The following THSD7B variants were observed in gnomAD, a reference collection of about 807,000 sequenced individuals.
The protein encoded by THSD7B is thrombospondin type-1 domain-containing protein 7B.
Under a neutral mutation model 213.6 loss-of-function variants are expected in THSD7B, and 138 were observed. That is an observed-to-expected ratio of 0.65 (90% CI 0.56 to 0.74). The LOEUF is 0.74. THSD7B is among the 30% of genes least tolerant of loss of function. THSD7B has a pLI of 0.00. For synonymous variants in THSD7B, 742 were observed against 687.0 expected (o/e 1.08, Z -1.25); for missense variants, 1,931 against 1,991.5 (o/e 0.97, Z 0.58).
intron 2 of THSD7B, among the ~76,000 whole-genome samples, chr2:136,922,339 G>A (rs1684449823): frequency 6.6e-6 from 1 of 152,170 alleles, no homozygotes; most frequent in African/African-American, 2.4e-5. Context: ...AACATGTCCT[G>A]CATATCCTTC....
At chr2:137,527,026 T>G (rs1369660259) in intron 15 of THSD7B, among the ~76,000 whole-genome samples, 1 of 152,066 alleles carries the variant, frequency 6.6e-6, no homozygotes, top group Admixed American at 6.6e-5. Context: ...AAATGAATAA[T>G]TTTGGAAAGG....
intron 2 of THSD7B, among the ~76,000 whole-genome samples, chr2:136,928,704 G>C (rs1022290599): frequency 2.0e-5 from 3 of 152,062 alleles, no homozygotes; most frequent in Non-Finnish European, 4.4e-5. Context: ...ATTTGAGGAA[G>C]TCTAACATTA....
At chr2:137,503,011 A>G (rs1189793819) in intron 15 of THSD7B, among the ~76,000 whole-genome samples, 1 of 152,228 alleles carries the variant, frequency 6.6e-6, no homozygotes, top group African/African-American at 2.4e-5. Flanking sequence ...GTCAACAGTC[A>G]TAAGTCTTTC....
intron 16 of THSD7B, among the ~76,000 whole-genome samples, chr2:137,570,520 G>A (rs1681333710): frequency 6.6e-6 from 1 of 152,042 alleles, no homozygotes; most frequent in Non-Finnish European, 1.5e-5. Context: ...ATGTTAGCGA[G>A]GATGGTCTCA....
rs190460862 is a variant in THSD7B, at chr2:137,378,609, C to T, written c.2501-27004C>T. Among the ~76,000 whole-genome samples, 288 of 152,288 alleles carry T rather than the reference C, an allele frequency of 1.9e-3. 1 individual carries two copies. Among genetic ancestry groups the T allele is most frequent in the Non-Finnish European group, 3.2e-3 (220 of 68,032 alleles). On this transcript the variant is annotated intron_variant, in intron 12 of 27. Coordinates refer to ENST00000409968, the MANE Select transcript of THSD7B (RefSeq NM_001316349.2). ...GTCTTATTTAACACTTTTCTTTCTT[C>T]CTTGGACTTAGGATTCCTAACAGTT...
chr2:137,483,575 ATTTAT>A (rs970907555), intron 15 of THSD7B, among the ~76,000 whole-genome samples: 3 of 152,184 alleles, frequency 2.0e-5, no homozygotes, highest in Non-Finnish European at 4.4e-5. Flanking sequence ...ATTATTGTCT[ATTTAT>A]TTTATTTTAT....
chr2:136,830,126 A>G lies in THSD7B; in HGVS notation c.-35-52018A>G, dbSNP rs112704885. On this transcript the variant is annotated intron_variant, in intron 1 of 27. Transcript: ENST00000409968. ...ATTTTCTTTGTATGCCTGTGCGCGCACACACACACACACACACATACCTGA... is the reference window on the plus strand; with the variant it reads ...ATTTTCTTTGTATGCCTGTGCGCGCGCACACACACACACACACATACCTGA... 1.7e-3 allele frequency among the ~76,000 whole-genome samples: 252 copies of G among 146,686 alleles called. 1 individual carries two copies. The highest frequency in any genetic ancestry group is 3.2e-3 in the Admixed American group (47 of 14,852).
At position 137,067,429 on chromosome 2, in the gene THSD7B, T is replaced by C. The variant is rs139385759; in HGVS notation, c.950+10199T>C. Among the ~76,000 whole-genome samples, 985 of 152,174 alleles carry C rather than the reference T, an allele frequency of 6.5e-3. 12 individuals are homozygous for C. Among genetic ancestry groups the C allele is most frequent in the African/African-American group, 0.023 (938 of 41,544 alleles). ...TTTTGTTCATTTTCTGTTGTGTTTTTTCTTTTCTGTTGTCTTTGGGTTTTC... is the reference window on the plus strand; with the variant it reads ...TTTTGTTCATTTTCTGTTGTGTTTTCTCTTTTCTGTTGTCTTTGGGTTTTC... On this transcript the variant is annotated intron_variant, in intron 3 of 27. Coordinates refer to ENST00000409968, the MANE Select transcript of THSD7B (RefSeq NM_001316349.2).
At chr2:137,474,121 G>A (rs990299040) in intron 15 of THSD7B, among the ~76,000 whole-genome samples, 3 of 152,176 alleles carry the variant, frequency 2.0e-5, no homozygotes, top group Non-Finnish European at 2.9e-5. Context: ...TCATGCTACT[G>A]AAGTGTATGT....
intron 3 of THSD7B, among the ~76,000 whole-genome samples, chr2:137,066,286 G>A (rs1382630797): frequency 6.7e-6 from 1 of 149,924 alleles, no homozygotes; most frequent in African/African-American, 2.5e-5. Context: ...CTGTCTCCCA[G>A]GTTCAAGGAA....
At chr2:136,987,819 T>A (rs1019045124) in intron 2 of THSD7B, among the ~76,000 whole-genome samples, 1 of 152,236 alleles carries the variant, frequency 6.6e-6, no homozygotes, top group African/African-American at 2.4e-5. Flanking sequence ...TAACAGATTT[T>A]TGCAATGGAA....
chr2:137,442,923 T>C (rs924422557), intron 14 of THSD7B, among the ~76,000 whole-genome samples: 1 of 152,154 alleles, frequency 6.6e-6, no homozygotes, highest in African/African-American at 2.4e-5. Flanking sequence ...TAAGAATTAC[T>C]CGGTAATATT....
chr2:136,808,987 C>G (rs1004114805), intron 1 of THSD7B, among the ~76,000 whole-genome samples: 1 of 152,158 alleles, frequency 6.6e-6, no homozygotes, highest in African/African-American at 2.4e-5. Flanking sequence ...CTCACTTGTT[C>G]ATCAAATAGT....
chr2:137,361,028 A>T (rs1242579649), intron 12 of THSD7B, among the ~76,000 whole-genome samples: 1 of 152,158 alleles, frequency 6.6e-6, no homozygotes, highest in African/African-American at 2.4e-5. Flanking sequence ...AAGCAGCAAT[A>T]TATGCTGTTC....
intron 1 of THSD7B, among the ~76,000 whole-genome samples, chr2:136,794,753 G>T (rs1053199889): frequency 2.6e-5 from 4 of 151,864 alleles, no homozygotes; most frequent in Admixed American, 1.3e-4. Flanking sequence ...AAGTATTTTT[G>T]TCTGCCATTC....
intron 12 of THSD7B, among the ~76,000 whole-genome samples, chr2:137,394,539 G>T (rs1160434826): frequency 1.5e-5 from 2 of 135,794 alleles, no homozygotes; most frequent in East Asian, 4.1e-4. Context: ...TTTGGTACCA[G>T]TACCATGCTG....
At chr2:136,873,021 T>TAA (rs1553454610) in intron 1 of THSD7B, among the ~76,000 whole-genome samples, 10,294 of 43,728 alleles carry the variant, frequency 0.24, 2,049 homozygotes, top group East Asian at 0.79. Context: ...AGACTCCATC[T>TAA]AAAAAAAAAA....
chr2:137,157,502 C>T (rs984473585), intron 5 of THSD7B, among the ~76,000 whole-genome samples: 1 of 152,152 alleles, frequency 6.6e-6, no homozygotes, highest in South Asian at 2.1e-4. Context: ...GCTCATTCTA[C>T]AGTTATTTTT....
intron 15 of THSD7B, among the ~76,000 whole-genome samples, chr2:137,539,513 A>G (rs1573693985): frequency 6.6e-6 from 1 of 151,800 alleles, no homozygotes; most frequent in East Asian, 1.9e-4. Context: ...TTCTAGTCAT[A>G]TGGTGTATAA....
Sources: allele counts gnomAD v4.1 joint callset (sites outside exome capture counted in the v4.1 genomes callset), GRCh38; gene constraint gnomAD v4.1.1; transcripts MANE v1.5; gene names NCBI Gene and HGNC (gene_info 2026-07-23, HGNC 2026-07-21).